Variants in WAC observed in about 807,000 individuals in gnomAD.
WAC encodes WW domain containing adaptor with coiled-coil.
WAC carries 11 observed loss-of-function variants against 79.6 expected under a neutral mutation model. The observed-to-expected ratio is 0.14, with a 90% CI of 0.09 to 0.23. WAC has a LOEUF of 0.23. WAC is among the 10% of genes least tolerant of loss of function. The probability of loss-of-function intolerance (pLI) is 1.00; values close to 1 mark genes in which losing one functional copy is unlikely to be tolerated. For missense variants in WAC, 728 were observed against 773.5 expected (o/e 0.94, Z 0.70); for synonymous variants, 304 against 276.9 (o/e 1.10, Z -0.97).
chr10:28,538,144 AT>A, intron 3 of WAC: 1 of 156,672 alleles, frequency 6.4e-6, no homozygotes, highest in Non-Finnish European at 1.4e-5. Flanking sequence ...ATTTTTCCTC[AT>A]TTTATAGTGA....
At chr10:28,567,867 A>T (rs916992788) in intron 3 of WAC, among the ~76,000 whole-genome samples, 2 of 151,508 alleles carry the variant, frequency 1.3e-5, no homozygotes, top group African/African-American at 4.9e-5. Context: ...TGATCCTCCC[A>T]CTCCAGCCTC....
intron 3 of WAC, among the ~76,000 whole-genome samples, chr10:28,581,772 G>A (rs957538402): frequency 6.6e-6 from 1 of 152,104 alleles, no homozygotes; most frequent in African/African-American, 2.4e-5. Context: ...TGTTGGTCAG[G>A]CTGGTCTCGA....
At position 28,554,483 on chromosome 10, in the gene WAC, A is replaced by G. The variant is rs571620687; in HGVS notation, c.274+18726A>G. Among the ~76,000 whole-genome samples the G allele has an allele frequency of 3.5e-4, 54 of 152,198 alleles. No individual in the cohort carries two copies. In the East Asian group the frequency reaches 6.8e-3, roughly 19 times the overall value. On this transcript the variant is annotated intron_variant, in intron 3 of 13. Coordinates refer to ENST00000354911, the MANE Select transcript of WAC (RefSeq NM_016628.5). ...TGTATTAACTTAAGTTCATTTTTGT[A>G]TCTTGGTTTCCCTTATTTTGCTTAG...
At chr10:28,594,471 T>C (rs1840252990) in intron 6 of WAC, among the ~76,000 whole-genome samples, 2 of 152,250 alleles carry the variant, frequency 1.3e-5, no homozygotes, top group Admixed American at 6.5e-5. Flanking sequence ...TTGTATTCTG[T>C]TCATTTTTGT....
At chr10:28,560,325 T>C (rs576015120) in intron 3 of WAC, among the ~76,000 whole-genome samples, 21 of 152,132 alleles carry the variant, frequency 1.4e-4, no homozygotes, top group Non-Finnish European at 2.2e-4. Flanking sequence ...GATGCCACTG[T>C]ATTCCAGCCT....
rs1836589715 is a variant in WAC, at chr10:28,535,418, AAG to A, written c.79-141_79-140del. On this transcript the variant is annotated intron_variant, in intron 2 of 13. Transcript: ENST00000354911. ...TAGGTTTTTTGTCTGAGAAACTTTA[AAG>A]AGTAAAGCAGAATTGAAAGTGGAAA... 14 of 1,012,294 alleles carry A rather than the reference AAG, an allele frequency of 1.4e-5. No individual in the cohort carries two copies. The South Asian group carries it at 2.6e-4, about 19-fold the overall frequency. The allele number at this position is 1,012,294 out of a possible 1,614,324, so 62.7% of individuals were successfully genotyped here. A position where few individuals can be genotyped will look rare whatever the true frequency, so the allele number is the denominator to read the frequency against.
At chr10:28,533,814 C>A in intron 1 of WAC, 184 bp from the exon 2 acceptor site, 1 of 999,780 alleles carries the variant, frequency 1.0e-6, no homozygotes, top group Non-Finnish European at 1.4e-6. Flanking sequence ...CCCGGCTTCG[C>A]GGCATTTCGC....
rs575798717 is a variant in WAC at position 28,610,182 on chromosome 10, C to T, written c.1166-517C>T. On this transcript the variant is annotated intron_variant, in intron 8 of 13. Coordinates refer to ENST00000354911, the MANE Select transcript of WAC (RefSeq NM_016628.5). Reference sequence around the variant, plus strand: ...TCCTAACCTTAGGCGATCCACCTGCCTCAGCCTCCCAAAGTGCTGGGTGTG... The same window carrying T: ...TCCTAACCTTAGGCGATCCACCTGCTTCAGCCTCCCAAAGTGCTGGGTGTG... 3.9e-5 allele frequency among the ~76,000 whole-genome samples: 6 copies of T among 152,214 alleles called. 1 individual carries two copies. In the South Asian group the frequency reaches 1.2e-3, roughly 32 times the overall value.
chr10:28,562,642 A>T (rs1332334607), intron 3 of WAC, among the ~76,000 whole-genome samples: 2 of 152,252 alleles, frequency 1.3e-5, no homozygotes, highest in East Asian at 3.8e-4. Context: ...GGTAGTAAAC[A>T]TTAATAAAGC....
At chr10:28,571,824 ACT>A (rs1838987646) in intron 3 of WAC, among the ~76,000 whole-genome samples, 1 of 151,818 alleles carries the variant, frequency 6.6e-6, no homozygotes, top group Non-Finnish European at 1.5e-5. Context: ...TGTTCTTGTA[ACT>A]CTAATCAGTC....
At chr10:28,579,902 G>A (rs934400150) in intron 3 of WAC, among the ~76,000 whole-genome samples, 6 of 152,166 alleles carry the variant, frequency 3.9e-5, no homozygotes, top group African/African-American at 1.4e-4. Context: ...TTTCTAGTTG[G>A]AATGTAAAGA....
At chr10:28,606,263 G>A (rs1403059321) in intron 7 of WAC, among the ~76,000 whole-genome samples, 1 of 152,168 alleles carries the variant, frequency 6.6e-6, no homozygotes, top group Non-Finnish European at 1.5e-5. Context: ...TGTTGCCCAG[G>A]CCGGTCTTGG....
In WAC at chr10:28,533,987, C is replaced by T. The variant is rs751091760; in HGVS notation, c.42-11C>T. 11 of 1,606,204 alleles carry T rather than the reference C, an allele frequency of 6.8e-6. No individual in the cohort carries two copies. The highest frequency in any genetic ancestry group is 3.4e-5 in the Admixed American group (2 of 59,502). Reference sequence around the variant, plus strand: ...TGTCTTATGTCGCTGCCTTCTCTTCCTGTTTTTCAGCTGTCACGACCGGAG... The same window carrying T: ...TGTCTTATGTCGCTGCCTTCTCTTCTTGTTTTTCAGCTGTCACGACCGGAG... On this transcript the variant is annotated splice_polypyrimidine_tract_variant and intron_variant, in intron 1 of 13. Coordinates refer to ENST00000354911, the MANE Select transcript of WAC (RefSeq NM_016628.5).
At chr10:28,541,063 A>G (rs1254541214) in intron 3 of WAC, among the ~76,000 whole-genome samples, 4 of 152,288 alleles carry the variant, frequency 2.6e-5, no homozygotes, top group East Asian at 3.9e-4. Context: ...CTATTTTACA[A>G]TCAGTATTTT....
At chr10:28,609,178 A>T (rs995105220) in intron 8 of WAC, among the ~76,000 whole-genome samples, 19 of 152,230 alleles carry the variant, frequency 1.2e-4, no homozygotes, top group Non-Finnish European at 2.4e-4. Context: ...CCTGACCAAG[A>T]TGGTGAAACG....
Position 28,619,687 on chromosome 10 carries a change from A to T in WAC, c.*81A>T, listed in dbSNP as rs1841623831. On this transcript the variant is annotated 3_prime_UTR_variant, in exon 14 of 14. Coordinates refer to ENST00000354911, the MANE Select transcript of WAC (RefSeq NM_016628.5). ...ATCTTAACATTTTTGAGCTGCATTTAAGTAGACTTTGGACCGTTAAGCTGG... is the reference window on the plus strand; with the variant it reads ...ATCTTAACATTTTTGAGCTGCATTTTAGTAGACTTTGGACCGTTAAGCTGG... 8.0e-7 allele frequency: 1 copy of T among 1,251,420 alleles called. No homozygotes were observed. The highest frequency in any genetic ancestry group is 1.1e-6 in the Non-Finnish European group (1 of 913,264). The allele number at this position is 1,251,420 out of a possible 1,614,324, so 77.5% of individuals were successfully genotyped here. A position where few individuals can be genotyped will look rare whatever the true frequency, so the allele number is the denominator to read the frequency against.
chr10:28,580,830 A>C (rs931410247), intron 3 of WAC, among the ~76,000 whole-genome samples: 1 of 152,164 alleles, frequency 6.6e-6, no homozygotes, highest in Non-Finnish European at 1.5e-5. Flanking sequence ...GTTACTAAGC[A>C]TTTTGGGATC....
Position 28,533,501 on chromosome 10 carries a change from C to T in WAC, c.-79C>T. On this transcript the variant is annotated 5_prime_UTR_variant, in exon 1 of 14. Coordinates refer to ENST00000354911, the MANE Select transcript of WAC (RefSeq NM_016628.5). ...TGCCGGGGCTGCCCGCCGCCCGCCG[C>T]CGCCGCCGCCTGCGCGCCCGCCCGC... The T allele has an allele frequency of 3.0e-6, 3 of 1,004,948 alleles. No individual in the cohort carries two copies. Among genetic ancestry groups the T allele is most frequent in the Non-Finnish European group, 3.7e-6 (3 of 809,832 alleles). The allele number at this position is 1,004,948 out of a possible 1,614,324, so 62.3% of individuals were successfully genotyped here.
At chr10:28,579,055 C>CT (rs1163917145) in intron 3 of WAC, among the ~76,000 whole-genome samples, 1 of 152,124 alleles carries the variant, frequency 6.6e-6, no homozygotes, top group African/African-American at 2.4e-5. Flanking sequence ...TCTTAGACTC[C>CT]TTTAAGACTT....
Sources: allele counts gnomAD v4.1 joint callset (sites outside exome capture counted in the v4.1 genomes callset), GRCh38; gene constraint gnomAD v4.1.1; transcripts MANE v1.5; gene names NCBI Gene and HGNC (gene_info 2026-07-23, HGNC 2026-07-21).